Variants in GPC5 observed in about 807,000 individuals in gnomAD.
GPC5 encodes the protein glypican 5, also known as glypican-5.
Under a neutral mutation model 53.9 loss-of-function variants are expected in GPC5, and 47 were observed. The ratio of observed to expected loss-of-function variants is 0.87; its 90% confidence interval spans 0.69 to 1.11. GPC5 has a LOEUF of 1.11. Ranked by LOEUF, GPC5 falls within the 50% of genes most tolerant of loss-of-function variation. The pLI, the probability that GPC5 is intolerant of heterozygous loss-of-function variation, is 0.00. For missense variants in GPC5, 748 were observed against 713.1 expected, an observed-to-expected ratio of 1.05 and a Z score of -0.56; for synonymous variants, 286 against 263.3, an observed-to-expected ratio of 1.09 and a Z score of -0.84.
At chr13:92,074,469 G>A (rs987212871) in intron 6 of GPC5, among the ~76,000 whole-genome samples, 2 of 152,206 alleles carry the variant, frequency 1.3e-5, no homozygotes, top group African/African-American at 4.8e-5. Context: ...CCAAAACACA[G>A]AGGGTATAAG....
At chr13:92,727,183 G>A (rs994571217) in intron 7 of GPC5, among the ~76,000 whole-genome samples, 27 of 151,430 alleles carry the variant, frequency 1.8e-4, no homozygotes, top group African/African-American at 6.3e-4. Flanking sequence ...AATGTAGCTC[G>A]GGGTGCTATA....
chr13:91,797,328 G>C (rs997965848), intron 5 of GPC5, among the ~76,000 whole-genome samples: 14 of 152,112 alleles, frequency 9.2e-5, no homozygotes, highest in Non-Finnish European at 4.4e-5. Flanking sequence ...GCTACAAAAA[G>C]TAGTGGCATT....
At chr13:91,403,058 G>A (rs1184483863) in intron 1 of GPC5, among the ~76,000 whole-genome samples, 2 of 152,154 alleles carry the variant, frequency 1.3e-5, no homozygotes, top group African/African-American at 4.8e-5. Flanking sequence ...AATGTTGGTG[G>A]CCATAGTCAC....
intron 2 of GPC5, among the ~76,000 whole-genome samples, chr13:91,581,566 G>T (rs2032361288): frequency 2.0e-5 from 3 of 152,102 alleles, no homozygotes; most frequent in African/African-American, 7.2e-5. Flanking sequence ...TAATCCCTGA[G>T]AAGGATATAT....
intron 2 of GPC5, among the ~76,000 whole-genome samples, chr13:91,580,054 C>T (rs1249356609): frequency 1.3e-5 from 2 of 151,746 alleles, no homozygotes; most frequent in African/African-American, 4.8e-5. Context: ...AATCTCAATA[C>T]TTAAGGTGCA....
At chr13:92,771,404 G>A (rs768927584) in intron 7 of GPC5, among the ~76,000 whole-genome samples, 5 of 152,190 alleles carry the variant, frequency 3.3e-5, no homozygotes, top group Non-Finnish European at 4.4e-5. Context: ...GTCCAGTGGC[G>A]TGATTTCGGC....
intron 7 of GPC5, among the ~76,000 whole-genome samples, chr13:92,723,197 C>A (rs1485047476): frequency 6.6e-6 from 1 of 151,644 alleles, no homozygotes; most frequent in Non-Finnish European, 1.5e-5. Context: ...GTACTCAGAA[C>A]TGAAATTAAA....
At chr13:91,517,329 G>T (rs1885558398) in intron 2 of GPC5, among the ~76,000 whole-genome samples, 1 of 152,176 alleles carries the variant, frequency 6.6e-6, no homozygotes, top group Non-Finnish European at 1.5e-5. Context: ...ACCACGCAAA[G>T]TGAATCATCT....
intron 7 of GPC5, among the ~76,000 whole-genome samples, chr13:92,416,825 TAAGA>T (rs1451810737): frequency 1.3e-5 from 2 of 152,120 alleles, no homozygotes; most frequent in African/African-American, 4.8e-5. Context: ...CTGTATCTGA[TAAGA>T]AACTCATATG....
At chr13:91,727,647 T>C (rs917337112) in intron 3 of GPC5, among the ~76,000 whole-genome samples, 1 of 152,204 alleles carries the variant, frequency 6.6e-6, no homozygotes, top group Non-Finnish European at 1.5e-5. Context: ...GAATAATTTG[T>C]TCTAACTTCT....
intron 6 of GPC5, among the ~76,000 whole-genome samples, chr13:92,034,654 T>G (rs1209807756): frequency 6.6e-6 from 1 of 152,206 alleles, no homozygotes; most frequent in Non-Finnish European, 1.5e-5. Context: ...GTTCACTTTA[T>G]ATTTATTATG....
At chr13:92,862,139 C>A (rs968569306) in intron 7 of GPC5, among the ~76,000 whole-genome samples, 4 of 152,246 alleles carry the variant, frequency 2.6e-5, no homozygotes, top group Non-Finnish European at 4.4e-5. Flanking sequence ...TGGAATTCTG[C>A]CACAGCTATG....
chr13:91,507,748 A>G (rs1885018402), intron 2 of GPC5, among the ~76,000 whole-genome samples: 1 of 152,210 alleles, frequency 6.6e-6, no homozygotes, highest in Non-Finnish European at 1.5e-5. Context: ...TTAGGTTTCA[A>G]CATATGAATT....
At chr13:91,955,433 C>G (rs1431062905) in intron 6 of GPC5, among the ~76,000 whole-genome samples, 1 of 152,108 alleles carries the variant, frequency 6.6e-6, no homozygotes, top group African/African-American at 2.4e-5. Context: ...TAGATAATCA[C>G]ACTTTGAATA....
chr13:92,395,399 GT>G (rs1161251551), intron 7 of GPC5, among the ~76,000 whole-genome samples: 3 of 152,026 alleles, frequency 2.0e-5, no homozygotes, highest in African/African-American at 4.8e-5. Flanking sequence ...CAATTCCCCC[GT>G]TTTGTCCCTT....
At chr13:92,104,391 A>AT (rs2138916901) in intron 6 of GPC5, among the ~76,000 whole-genome samples, 1 of 152,162 alleles carries the variant, frequency 6.6e-6, no homozygotes, top group East Asian at 1.9e-4. Flanking sequence ...AATTTTGACA[A>AT]TTTTTCCCAG....
chr13:91,637,282 A>G (rs529016469), intron 2 of GPC5, among the ~76,000 whole-genome samples: 1 of 152,310 alleles, frequency 6.6e-6, no homozygotes, highest in Non-Finnish European at 1.5e-5. Context: ...ATTTCTCATG[A>G]AGTGTACTTA....
intron 6 of GPC5, among the ~76,000 whole-genome samples, chr13:92,119,420 A>G (rs1246773079): frequency 1.1e-5 from 1 of 87,636 alleles, no homozygotes; most frequent in Admixed American, 1.8e-4. Context: ...TTTTTTGGAG[A>G]CAGAGTCTTG....
At chr13:91,706,615 T>A (rs962250810) in intron 3 of GPC5, among the ~76,000 whole-genome samples, 1 of 151,984 alleles carries the variant, frequency 6.6e-6, no homozygotes, top group African/African-American at 2.4e-5. Context: ...AGAAAATAGG[T>A]TGCTTATGAT....
Sources: gnomAD v4.1 joint callset for allele counts (sites outside exome capture counted in the v4.1 genomes callset) on GRCh38, gnomAD v4.1.1 for gene constraint, MANE v1.5 for transcripts, NCBI Gene and HGNC (gene_info 2026-07-23, HGNC 2026-07-21) for gene names.